The following CDC73 variants were observed in gnomAD, a reference collection of about 807,000 sequenced individuals.
The protein encoded by CDC73 is parafibromin.
A neutral mutation model predicts 83.7 loss-of-function variants in CDC73; 21 were observed. That is an observed-to-expected ratio of 0.25 (90% confidence interval 0.18 to 0.36). CDC73 has a LOEUF of 0.36. Ranked by LOEUF, CDC73 falls within the 10% of genes least tolerant of loss-of-function variation. The pLI, the probability that CDC73 is intolerant of heterozygous loss-of-function variation, is 1.00. For synonymous variants in CDC73, 224 were observed against 212.9 expected, an observed-to-expected ratio of 1.05 and a Z score of -0.45; for missense variants, 342 against 653.3, an observed-to-expected ratio of 0.52 and a Z score of 5.19.
chr1:193,150,360 G>A lies in CDC73; in HGVS notation c.885G>A (p.Gln295=), dbSNP rs1676084314. 1.2e-6 allele frequency: 2 copies of A among 1,612,648 alleles called. No individual in the cohort carries two copies. Among genetic ancestry groups the A allele is most frequent in the Admixed American group, 1.7e-5 (1 of 59,996 alleles). ...CAGCTGCCTATAACAGATACGATCAGGAAAGATTCAAAGGAAAAGAAGGCA... is the reference window on the plus strand; with the variant it reads ...CAGCTGCCTATAACAGATACGATCAAGAAAGATTCAAAGGAAAAGAAGGCA... ...PIPAAYNRYD[Q]ERFKGKEETE... The change falls in exon 9 of 17, where the codon CAG becomes CAA. Residue 295 remains glutamine (Q), a synonymous_variant. Coordinates refer to ENST00000367435, the MANE Select transcript of CDC73 (RefSeq NM_024529.5).
At chr1:193,157,724 C>G (rs942430029) in intron 10 of CDC73, among the ~76,000 whole-genome samples, 28 of 152,290 alleles carry the variant, frequency 1.8e-4, no homozygotes, top group Admixed American at 6.5e-4. Context: ...TTTGAAATCC[C>G]TGCTCTAGAG....
intron 10 of CDC73, among the ~76,000 whole-genome samples, chr1:193,152,861 C>T (rs1427622130): frequency 1.3e-5 from 2 of 152,028 alleles, no homozygotes; most frequent in African/African-American, 2.4e-5. Context: ...CTCACTGCAA[C>T]CTCCGCCTCC....
chr1:193,202,340 T>A, intron 10 of CDC73, among the ~76,000 whole-genome samples: 1 of 148,676 alleles, frequency 6.7e-6, no homozygotes, highest in Non-Finnish European at 1.5e-5. Flanking sequence ...ACAAATATAA[T>A]CAGAAGGTTC....
intron 10 of CDC73, among the ~76,000 whole-genome samples, chr1:193,175,541 TAAAAAC>T (rs1290527649): frequency 6.6e-6 from 1 of 152,174 alleles, no homozygotes; most frequent in Non-Finnish European, 1.5e-5. Flanking sequence ...TCGAAAATAT[TAAAAAC>T]AAAAAACAAA....
At chr1:193,239,352 G>A (rs1185412487) in intron 15 of CDC73, among the ~76,000 whole-genome samples, 1 of 152,034 alleles carries the variant, frequency 6.6e-6, no homozygotes, top group African/African-American at 2.4e-5. Flanking sequence ...AGATTACACT[G>A]TACAGCATTG....
intron 10 of CDC73, among the ~76,000 whole-genome samples, chr1:193,197,063 G>A (rs1160785655): frequency 6.6e-6 from 1 of 152,142 alleles, no homozygotes; most frequent in East Asian, 1.9e-4. Flanking sequence ...TAAGATGTTA[G>A]CTGTGGGTTT....
intron 10 of CDC73, among the ~76,000 whole-genome samples, chr1:193,188,774 T>C (rs1181517641): frequency 6.6e-6 from 1 of 152,102 alleles, no homozygotes; most frequent in Admixed American, 6.5e-5. Flanking sequence ...GTCCCTCCAG[T>C]ATCGGATTGA....
chr1:193,169,847 C>T (rs1452982086), intron 10 of CDC73, among the ~76,000 whole-genome samples: 2 of 151,564 alleles, frequency 1.3e-5, no homozygotes, highest in Non-Finnish European at 2.9e-5. Flanking sequence ...AGGTTTGTTA[C>T]ACATGTAAAC....
At chr1:193,169,503 T>C (rs1409902534) in intron 10 of CDC73, among the ~76,000 whole-genome samples, 1 of 151,938 alleles carries the variant, frequency 6.6e-6, no homozygotes, top group East Asian at 1.9e-4. Context: ...CAAGATCACA[T>C]CACTGCACCC....
intron 11 of CDC73, among the ~76,000 whole-genome samples, chr1:193,205,877 G>A (rs368589452): frequency 6.6e-6 from 1 of 152,072 alleles, no homozygotes; most frequent in African/African-American, 2.4e-5. Flanking sequence ...TGAAGTATAG[G>A]AATATTGTGG....
intron 13 of CDC73, among the ~76,000 whole-genome samples, chr1:193,227,665 C>T (rs1477115368): frequency 1.3e-5 from 2 of 151,888 alleles, no homozygotes; most frequent in African/African-American, 4.8e-5. Flanking sequence ...TAAATAAATG[C>T]CTAAATATAT....
chr1:193,218,565 C>T (rs932529853), intron 13 of CDC73, among the ~76,000 whole-genome samples: 1 of 152,126 alleles, frequency 6.6e-6, no homozygotes, highest in Admixed American at 6.6e-5. Context: ...CAAAAACAGG[C>T]ACACAGACCA....
At chr1:193,150,596 G>T (rs1423845926) in intron 9 of CDC73, among the ~76,000 whole-genome samples, 1 of 152,168 alleles carries the variant, frequency 6.6e-6, no homozygotes, top group East Asian at 1.9e-4. Flanking sequence ...TGTGACATCA[G>T]TATTGAATTG....
chr1:193,184,196 A>G (rs1676767217), intron 10 of CDC73, among the ~76,000 whole-genome samples: 1 of 152,048 alleles, frequency 6.6e-6, no homozygotes, highest in Middle Eastern at 3.5e-3. Flanking sequence ...ATATATAACT[A>G]TAAATCTCCC....
chr1:193,167,446 C>T (rs894970500), intron 10 of CDC73, among the ~76,000 whole-genome samples: 2 of 152,020 alleles, frequency 1.3e-5, no homozygotes, highest in African/African-American at 4.8e-5. Flanking sequence ...CAGTCATTTG[C>T]CTTGACTTCT....
chr1:193,204,706 A>C (rs1199020459), intron 11 of CDC73, among the ~76,000 whole-genome samples: 1 of 152,216 alleles, frequency 6.6e-6, no homozygotes, highest in African/African-American at 2.4e-5. Flanking sequence ...TACTTGAATA[A>C]ATAGGTATAG....
At chr1:193,195,332 A>C (rs1395109538) in intron 10 of CDC73, among the ~76,000 whole-genome samples, 4 of 152,058 alleles carry the variant, frequency 2.6e-5, no homozygotes, top group Non-Finnish European at 2.9e-5. Flanking sequence ...CACGTATTAC[A>C]ATTCCATTCC....
chr1:193,158,482 C>T (rs1405668391), intron 10 of CDC73, among the ~76,000 whole-genome samples: 1 of 147,052 alleles, frequency 6.8e-6, no homozygotes, highest in African/African-American at 2.5e-5. Context: ...TGCAAAGCAG[C>T]GAGACCCTGT....
chr1:193,188,414 A>T (rs936265084), intron 10 of CDC73, among the ~76,000 whole-genome samples: 14 of 150,238 alleles, frequency 9.3e-5, no homozygotes, highest in African/African-American at 3.4e-4. Context: ...TAAACTTTTT[A>T]TTACATGGCA....
Sources: allele counts gnomAD v4.1 joint callset (sites outside exome capture counted in the v4.1 genomes callset), GRCh38; gene constraint gnomAD v4.1.1; transcripts MANE v1.5; gene names NCBI Gene and HGNC (gene_info 2026-07-23, HGNC 2026-07-21).